GTF2H4: variants seen among roughly 807,000 people sequenced by gnomAD.
GTF2H4 encodes BTF2 p52.
A neutral mutation model predicts 62.2 loss-of-function variants in GTF2H4; 49 were observed. The observed-to-expected ratio is 0.79, with a 90% CI of 0.63 to 1.00. The LOEUF (loss-of-function observed/expected upper bound fraction) is 1.00, where lower values mean the gene tolerates loss of function less well. Among genes scored for constraint, GTF2H4 ranks in the 50% least tolerant of loss-of-function variants. The pLI is 0.00. For synonymous variants in GTF2H4, 189 were observed against 233.8 expected (o/e 0.81, Z 1.75); for missense variants, 479 against 587.8 (o/e 0.81, Z 1.91).
Position 30,912,484 on chromosome 6 carries a change from C to G in GTF2H4, c.1089+26C>G. On this transcript the variant is annotated intron_variant, in intron 11 of 13. Coordinates refer to ENST00000259895, the MANE Select transcript of GTF2H4 (RefSeq NM_001517.5). This position sits in a 1 kb window ranked among gnomAD's most constrained non-coding sequence, Gnocchi z 4.8. ...GTATTCCCACTTGGGAGAGGTGGAG[C>G]AGGAAGACAGGCTGCACTTGGGCTG... The G allele has an allele frequency of 6.2e-7, 1 of 1,610,720 alleles. No individual in the cohort carries two copies. The highest frequency in any genetic ancestry group is 1.1e-5 in the South Asian group (1 of 91,022).
In GTF2H4 at chr6:30,911,869, T is replaced by C. The variant is rs1793775567; in HGVS notation, c.825+102T>C. The C allele has an allele frequency of 7.2e-7, 1 of 1,392,008 alleles. No homozygotes were observed. 86.2% of individuals were successfully genotyped at this position (1,392,008 alleles called of 1,614,324 possible). ...GTCTTGGGGCAGTAGCAGGAAGCAG[T>C]TGCCAGAACTGAATACTTGGGTCTC... is the stretch of plus-strand genomic sequence containing the variant. On this transcript the variant is annotated intron_variant, in intron 9 of 13. Transcript: ENST00000259895. The surrounding 1 kb of genome is among the most constrained non-coding windows in gnomAD (Gnocchi z 4.3).
rs143011675 is a variant in GTF2H4, at chr6:30,911,224, G to C, written c.627G>C (p.Pro209=). 1 of 1,613,544 alleles carries C rather than the reference G, an allele frequency of 6.2e-7. No homozygotes were observed. The highest frequency in any genetic ancestry group is 8.5e-7 in the Non-Finnish European group (1 of 1,180,022). ...AGFQFLLLDT[P]AQLWYFMLQY... is the part of the protein sequence containing the mutation. ...TCCAGTTCCTGTTGCTGGACACCCC[G>C]GCTCAGCTCTGGTACTTTATGTTGC... Residue 209 remains proline, a synonymous_variant, in exon 7 of 14, where the codon CCG becomes CCC. Coordinates refer to ENST00000259895, the MANE Select transcript of GTF2H4 (RefSeq NM_001517.5). The surrounding 1 kb of genome is among the most constrained non-coding windows in gnomAD (Gnocchi z 4.3).
chr6:30,909,885 C>A lies in GTF2H4; in HGVS notation c.243-47C>A. 6.4e-7 allele frequency: 1 copy of A among 1,573,976 alleles called. No homozygotes were observed. The highest frequency in any genetic ancestry group is 8.6e-7 in the Non-Finnish European group (1 of 1,161,652). On this transcript the variant is annotated intron_variant, in intron 3 of 13. Transcript: ENST00000259895. The surrounding 1 kb of genome is among the most constrained non-coding windows in gnomAD (Gnocchi z 4.3). ...AGAGATGGTGGCTTTTATGGGCCTC[C>A]TTTTTGTTTTCCAAATACCCTACTC...
chr6:30,911,093 T>G lies in GTF2H4; in HGVS notation c.561-65T>G. 1.4e-6 allele frequency: 2 copies of G among 1,403,902 alleles called. No homozygotes were observed. Among genetic ancestry groups the G allele is most frequent in the Non-Finnish European group, 2.0e-6 (2 of 991,206 alleles). The allele number at this position is 1,403,902 out of a possible 1,614,324, so 87.0% of individuals were successfully genotyped here. ...CAGAGATACCAAGAAAAAACGTGAG[T>G]GGACAAGTGGGGATAGTAGTCTTTC... On this transcript the variant is annotated intron_variant, in intron 6 of 13. Coordinates refer to ENST00000259895, the MANE Select transcript of GTF2H4 (RefSeq NM_001517.5). The surrounding 1 kb of genome is among the most constrained non-coding windows in gnomAD (Gnocchi z 4.3).
chr6:30,909,580 T>C lies in GTF2H4; in HGVS notation c.242+41T>C, dbSNP rs1298724477. ...ATACAAATTTCTCAACAGCTACATT[T>C]CCCAAACTGCTGTTCCTTGGAGCAC... On this transcript the variant is annotated intron_variant, in intron 3 of 13. Transcript: ENST00000259895. This position sits in a 1 kb window ranked among gnomAD's most constrained non-coding sequence, Gnocchi z 4.3. 1 of 1,211,750 alleles carries C rather than the reference T, an allele frequency of 8.3e-7. No homozygotes were observed. The highest frequency in any genetic ancestry group is 1.2e-5 in the South Asian group (1 of 82,832). 75.1% of individuals were successfully genotyped at this position (1,211,750 alleles called of 1,614,324 possible).
In GTF2H4 at chr6:30,912,307, C is replaced by T; in HGVS notation, c.959-21C>T. ...TGGGTGTGGGGGTGGCCTCCTCATCCTCTTTCTATCCCTGGCTCAGAGTCG... is the reference window on the plus strand; with the variant it reads ...TGGGTGTGGGGGTGGCCTCCTCATCTTCTTTCTATCCCTGGCTCAGAGTCG... On this transcript the variant is annotated intron_variant, in intron 10 of 13. Coordinates refer to ENST00000259895, the MANE Select transcript of GTF2H4 (RefSeq NM_001517.5). The surrounding 1 kb of genome is among the most constrained non-coding windows in gnomAD (Gnocchi z 4.8). 1 of 1,612,498 alleles carries T rather than the reference C, an allele frequency of 6.2e-7. No individual in the cohort carries two copies. The highest frequency in any genetic ancestry group is 1.1e-5 in the South Asian group (1 of 91,070).
Position 30,911,066 on chromosome 6 carries a change from G to A in GTF2H4, c.561-92G>A. 1 of 1,324,708 alleles carries A rather than the reference G, an allele frequency of 7.5e-7. No homozygotes were observed. The highest frequency in any genetic ancestry group is 1.1e-6 in the Non-Finnish European group (1 of 925,588). The allele number at this position is 1,324,708 out of a possible 1,614,324, so 82.1% of individuals were successfully genotyped here. A position where few individuals can be genotyped will look rare whatever the true frequency, so the allele number is the denominator to read the frequency against. On this transcript the variant is annotated intron_variant, in intron 6 of 13. Coordinates refer to ENST00000259895, the MANE Select transcript of GTF2H4 (RefSeq NM_001517.5). The surrounding 1 kb of genome is among the most constrained non-coding windows in gnomAD (Gnocchi z 4.3). Reference sequence around the variant, plus strand: ...GAAAAGGCAAGCTGAGTAGAATATAGCCAGAGATACCAAGAAAAAACGTGA... The same window carrying A: ...GAAAAGGCAAGCTGAGTAGAATATAACCAGAGATACCAAGAAAAAACGTGA...
chr6:30,908,963 T>A (rs1793651286), intron 1 of GTF2H4, 71 bp from the exon 2 acceptor site: 1 of 1,552,952 alleles, frequency 6.4e-7, no homozygotes, highest in East Asian at 2.2e-5. Context: ...GGATCTGGAA[T>A]CAGTTAGAAA....
chr6:30,912,092 C>T lies in GTF2H4; in HGVS notation c.904C>T (p.His302Tyr). The T allele has an allele frequency of 1.2e-6, 2 of 1,612,932 alleles. No individual in the cohort carries two copies. The highest frequency in any genetic ancestry group is 8.5e-7 in the Non-Finnish European group (1 of 1,179,998). ...TGTCTCTGGAGCTGGGGGCACTGTG[C>T]ATCAGCCAGGTTTCATTGTCGTGGA... ...SGVSGAGGTV[H>Y]QPGFIVVETN... Residue 302 changes from histidine (H) to tyrosine (Y), a missense_variant, in exon 10 of 14, where the codon CAT (histidine) becomes TAT (tyrosine). Transcript: ENST00000259895. The surrounding 1 kb of genome is among the most constrained non-coding windows in gnomAD (Gnocchi z 4.8).
In GTF2H4 at chr6:30,912,543, T is replaced by C. The variant is rs1257225161; in HGVS notation, c.1089+85T>C. On this transcript the variant is annotated intron_variant, in intron 11 of 13. Coordinates refer to ENST00000259895, the MANE Select transcript of GTF2H4 (RefSeq NM_001517.5). This position sits in a 1 kb window ranked among gnomAD's most constrained non-coding sequence, Gnocchi z 4.8. ...AGGGGTCACATTATGGAAGGCTAGCTCTGAGTCTGTTATAATAGGTGGTGG... is the reference window on the plus strand; with the variant it reads ...AGGGGTCACATTATGGAAGGCTAGCCCTGAGTCTGTTATAATAGGTGGTGG... 6.5e-7 allele frequency: 1 copy of C among 1,535,252 alleles called. No individual in the cohort carries two copies. Among genetic ancestry groups the C allele is most frequent in the African/African-American group, 1.4e-5 (1 of 73,698 alleles).
rs149785679 is a variant in GTF2H4, at chr6:30,909,054, A to C, written c.18A>C (p.Ser6=). ...CTCAGGTGATGGAGAGCACCCCTTCAAGGGGACTGAACCGAGTACACCTAC... is the reference window on the plus strand; with the variant it reads ...CTCAGGTGATGGAGAGCACCCCTTCCAGGGGACTGAACCGAGTACACCTAC... MESTP[S]RGLNRVHLQC... Residue 6 remains serine, a synonymous_variant, in exon 2 of 14, where the codon TCA becomes TCC. Coordinates refer to ENST00000259895, the MANE Select transcript of GTF2H4 (RefSeq NM_001517.5). The surrounding 1 kb of genome is among the most constrained non-coding windows in gnomAD (Gnocchi z 4.3). 4.5e-5 allele frequency: 73 copies of C among 1,614,148 alleles called. No homozygotes were observed. The African/African-American group carries it at 8.5e-4, about 19-fold the overall frequency.
chr6:30,912,742 C>T lies in GTF2H4; in HGVS notation c.1089+284C>T, dbSNP rs961650272. The stretch of plus-strand genomic sequence containing the variant: ...GTTTTGCCTCTGTGAGCCTCAGTTT[C>T]CTCATCTAGTAAATGACAGTTCTTA... On this transcript the variant is annotated intron_variant, in intron 11 of 13. Coordinates refer to ENST00000259895, the MANE Select transcript of GTF2H4 (RefSeq NM_001517.5). The surrounding 1 kb of genome is among the most constrained non-coding windows in gnomAD (Gnocchi z 4.8). Among the ~76,000 whole-genome samples, 6 of 152,044 alleles carry T rather than the reference C, an allele frequency of 3.9e-5. No individual in the cohort carries two copies. The highest frequency in any genetic ancestry group is 3.9e-4 in the Admixed American group (6 of 15,264).
At position 30,913,354 on chromosome 6, in the gene GTF2H4, G is replaced by C; in HGVS notation, c.1183G>C (p.Glu395Gln). Residue 395 changes from glutamate to glutamine, a missense_variant, in exon 13 of 14, where the codon GAG becomes CAG. Physicochemically the swap from Glu to Gln is conservative, Grantham distance 29. Transcript: ENST00000259895. This position sits in a 1 kb window ranked among gnomAD's most constrained non-coding sequence, Gnocchi z 4.2. ...PTITDQIRLW[E>Q]LERDRLRFTE... ...CATCACCGACCAGATCCGGCTCTGG[G>C]AGCTGGAAAGGGACAGACTCCGGTT... 6.2e-7 allele frequency: 1 copy of C among 1,613,274 alleles called. No individual in the cohort carries two copies. Among genetic ancestry groups the C allele is most frequent in the Non-Finnish European group, 8.5e-7 (1 of 1,180,008 alleles).
intron 1 of GTF2H4, among the ~76,000 whole-genome samples, chr6:30,908,618 G>A (rs755675289): frequency 1.2e-4 from 19 of 152,174 alleles, no homozygotes; most frequent in Non-Finnish European, 2.5e-4. Context: ...GCAGAAGTGG[G>A]CTAAGAGATA....
In GTF2H4 at chr6:30,909,723, A is replaced by G. The variant is rs1168621182; in HGVS notation, c.242+184A>G. On this transcript the variant is annotated intron_variant, in intron 3 of 13. Coordinates refer to ENST00000259895, the MANE Select transcript of GTF2H4 (RefSeq NM_001517.5). The surrounding 1 kb of genome is among the most constrained non-coding windows in gnomAD (Gnocchi z 4.3). The stretch of plus-strand genomic sequence containing the variant: ...CAGCTGAGATCTTGCTTTCAAATGT[A>G]TCTTCCCTCTTAAAGAGTTATGTGT... 6.6e-6 allele frequency among the ~76,000 whole-genome samples: 1 copy of G among 152,174 alleles called. No individual in the cohort carries two copies. The highest frequency in any genetic ancestry group is 1.5e-5 in the Non-Finnish European group (1 of 68,030).
In GTF2H4 at chr6:30,911,944, G is replaced by A; in HGVS notation, c.826-70G>A. On this transcript the variant is annotated intron_variant, in intron 9 of 13. Coordinates refer to ENST00000259895, the MANE Select transcript of GTF2H4 (RefSeq NM_001517.5). The surrounding 1 kb of genome is among the most constrained non-coding windows in gnomAD (Gnocchi z 4.3). ...AGGTTCTGCATCTTGGGAGGGATCT[G>A]ATATTTCAGGCAGGAAGATGTAAGG... The A allele has an allele frequency of 6.4e-7, 1 of 1,571,334 alleles. No homozygotes were observed. Among genetic ancestry groups the A allele is most frequent in the Non-Finnish European group, 8.7e-7 (1 of 1,151,922 alleles).
chr6:30,913,647 C>G lies in GTF2H4; in HGVS notation c.1217-164C>G, dbSNP rs1793913976. Among the ~76,000 whole-genome samples the G allele has an allele frequency of 6.6e-6, 1 of 152,156 alleles. No homozygotes were observed. On this transcript the variant is annotated intron_variant, in intron 13 of 13. Transcript: ENST00000259895. The surrounding 1 kb of genome is among the most constrained non-coding windows in gnomAD (Gnocchi z 4.2). Reference sequence around the variant, plus strand: ...GGATCACACTGGTGTTAAGATGAACCCCTGAGCAGACAAGCATAGAGAATT... The same window carrying G: ...GGATCACACTGGTGTTAAGATGAACGCCTGAGCAGACAAGCATAGAGAATT...
rs1228074834 is a variant in GTF2H4, at chr6:30,909,816, C to T, written c.243-116C>T. ...TTGTCTTAGGAAGATACTAATTTCACTCTGTGGAACAGTGTTCCAAGGGTC... is the reference window on the plus strand; with the variant it reads ...TTGTCTTAGGAAGATACTAATTTCATTCTGTGGAACAGTGTTCCAAGGGTC... On this transcript the variant is annotated intron_variant, in intron 3 of 13. Transcript: ENST00000259895. This position sits in a 1 kb window ranked among gnomAD's most constrained non-coding sequence, Gnocchi z 4.3. 4 of 986,344 alleles carry T rather than the reference C, an allele frequency of 4.1e-6. No homozygotes were observed. The Admixed American group carries it at 9.4e-5, about 23-fold the overall frequency. The allele number at this position is 986,344 out of a possible 1,614,324, so 61.1% of individuals were successfully genotyped here.
In GTF2H4 at chr6:30,911,081, A is replaced by G. The variant is rs1793742960; in HGVS notation, c.561-77A>G. ...GTAGAATATAGCCAGAGATACCAAG[A>G]AAAAACGTGAGTGGACAAGTGGGGA... On this transcript the variant is annotated intron_variant, in intron 6 of 13. Transcript: ENST00000259895. The surrounding 1 kb of genome is among the most constrained non-coding windows in gnomAD (Gnocchi z 4.3). 3.6e-6 allele frequency: 5 copies of G among 1,384,646 alleles called. No homozygotes were observed. In the South Asian group the frequency reaches 5.8e-5, roughly 16 times the overall value. 85.8% of individuals were successfully genotyped at this position (1,384,646 alleles called of 1,614,324 possible).
Sources: allele counts gnomAD v4.1 joint callset (sites outside exome capture counted in the v4.1 genomes callset), GRCh38; gene constraint gnomAD v4.1.1; non-coding constraint Gnocchi (gnomAD v3.1); transcripts MANE v1.5; gene names NCBI Gene and HGNC (gene_info 2026-07-23, HGNC 2026-07-21).